Variants in DPH6 observed in about 807,000 individuals in gnomAD.
DPH6 encodes diphthine--ammonia ligase.
A neutral mutation model predicts 38.2 loss-of-function variants in DPH6; 33 were observed. That is an observed-to-expected ratio of 0.86 (90% confidence interval 0.65 to 1.15). The LOEUF (loss-of-function observed/expected upper bound fraction) is 1.15. Among genes scored for constraint, DPH6 ranks in the 50% most tolerant of loss-of-function variants. The pLI, the probability that DPH6 is intolerant of heterozygous loss-of-function variation, is 0.00. For missense variants in DPH6, 325 were observed against 320.0 expected (o/e 1.02, Z -0.12); for synonymous variants, 108 against 103.0 (o/e 1.05, Z -0.30).
At chr15:35,202,847 G>A in the DPH6 span, among the ~76,000 whole-genome samples, 1 of 151,586 alleles carries the variant, frequency 6.6e-6, no homozygotes, top group Admixed American at 6.6e-5. Flanking sequence ...AACATGAGAG[G>A]AGACACAACC....
chr15:35,323,120 C>CTCAAA (rs1396072185), intron 3 of DPH6, among the ~76,000 whole-genome samples: 1 of 152,170 alleles, frequency 6.6e-6, no homozygotes, highest in South Asian at 2.1e-4. Context: ...TTTAATCCTT[C>CTCAAA]TCAAATCTTA....
chr15:35,313,693 T>C (rs2052163417), intron 3 of DPH6, among the ~76,000 whole-genome samples: 1 of 152,312 alleles, frequency 6.6e-6, no homozygotes, highest in South Asian at 2.1e-4. Flanking sequence ...AATTATTGAA[T>C]TCATTTATCA....
chr15:35,208,396 C>G, the DPH6 span, among the ~76,000 whole-genome samples: 1 of 152,166 alleles, frequency 6.6e-6, no homozygotes, highest in Admixed American at 6.5e-5. Context: ...AAGCCTCAGA[C>G]ACAATCAGAT....
At position 35,296,000 on chromosome 15, in the gene DPH6, C is replaced by T. The variant is rs779977547; in HGVS notation, n.201-75418G>A. On this transcript the variant is annotated intron_variant and non_coding_transcript_variant, in intron 3 of 3. Transcript: ENST00000560386. Reference sequence around the variant, plus strand: ...CTCCAGGCAGGCTGGAGTGCAGTGGCGCGATCTCTGTTCACTGCAAACTCT... The same window carrying T: ...CTCCAGGCAGGCTGGAGTGCAGTGGTGCGATCTCTGTTCACTGCAAACTCT... Among the ~76,000 whole-genome samples the T allele has an allele frequency of 4.2e-4, 63 of 151,798 alleles. 1 individual carries two copies. The highest frequency in any genetic ancestry group is 6.8e-3 in the Middle Eastern group (2 of 294).
At chr15:35,522,464 T>C (rs1296187983) in intron 3 of DPH6, among the ~76,000 whole-genome samples, 1 of 152,108 alleles carries the variant, frequency 6.6e-6, no homozygotes, top group Non-Finnish European at 1.5e-5. Flanking sequence ...GGCTTTCTTG[T>C]TTAGAAAACA....
intron 5 of DPH6, among the ~76,000 whole-genome samples, chr15:35,416,664 T>C (rs2053439847): frequency 6.6e-6 from 1 of 152,124 alleles, no homozygotes; most frequent in Admixed American, 6.6e-5. Flanking sequence ...GATGCCTTGC[T>C]GGTTACTTTA....
At chr15:35,378,633 A>G (rs1033805199) in intron 7 of DPH6, among the ~76,000 whole-genome samples, 1 of 152,208 alleles carries the variant, frequency 6.6e-6, no homozygotes, top group Non-Finnish European at 1.5e-5. Flanking sequence ...ACATCATGGA[A>G]TACTATGCAG....
chr15:35,159,682 C>T, the DPH6 span, among the ~76,000 whole-genome samples: 3 of 152,016 alleles, frequency 2.0e-5, no homozygotes, highest in South Asian at 2.1e-4. Flanking sequence ...AACTACCATT[C>T]GACTCAGCAA....
At chr15:35,353,266 A>G (rs1367793324) in intron 3 of DPH6, among the ~76,000 whole-genome samples, 1 of 152,166 alleles carries the variant, frequency 6.6e-6, no homozygotes, top group Non-Finnish European at 1.5e-5. Flanking sequence ...TTTGCTGTGC[A>G]GAAGCTCTTT....
chr15:35,489,560 G>A (rs2054449279), intron 3 of DPH6: 1 of 982,688 alleles, frequency 1.0e-6, no homozygotes, highest in Non-Finnish European at 1.2e-6. Flanking sequence ...TCTTTCTCAT[G>A]TTTAAATTTT....
In DPH6 at chr15:35,243,201, C is replaced by A. The variant is rs1595443465; in HGVS notation, n.201-22619G>T. Among the ~76,000 whole-genome samples, 12 of 141,920 alleles carry A rather than the reference C, an allele frequency of 8.5e-5. 2 individuals carry two copies. The highest frequency in any genetic ancestry group is 2.3e-4 in the Admixed American group (3 of 12,878). The allele number at this position is 141,920 out of a possible 152,430, so 93.1% of individuals were successfully genotyped here. ...TGACAAATGTTTCTTCTAACATCCC[C>A]ACAATATCACCCCTTACCACAAGAT... On this transcript the variant is annotated intron_variant and non_coding_transcript_variant, in intron 3 of 3. Coordinates refer to the DPH6 transcript ENST00000560386.
At chr15:35,429,234 T>C (rs1207841789) in intron 5 of DPH6, among the ~76,000 whole-genome samples, 2 of 152,200 alleles carry the variant, frequency 1.3e-5, no homozygotes, top group Admixed American at 1.3e-4. Flanking sequence ...TTAAGCATAC[T>C]GTCATAAAAC....
At chr15:35,543,276 A>T (rs2055292755) in intron 1 of DPH6, among the ~76,000 whole-genome samples, 2 of 16,796 alleles carry the variant, frequency 1.2e-4, no homozygotes, top group Non-Finnish European at 2.4e-4. Context: ...ATATATATAT[A>T]TATATATATA....
At chr15:35,507,905 A>G (rs2054716729) in intron 3 of DPH6, among the ~76,000 whole-genome samples, 1 of 152,056 alleles carries the variant, frequency 6.6e-6, no homozygotes, top group South Asian at 2.1e-4. Flanking sequence ...ATATATACAT[A>G]TACATGTATA....
At chr15:35,492,573 G>A (rs1383606692) in intron 3 of DPH6, among the ~76,000 whole-genome samples, 2 of 152,016 alleles carry the variant, frequency 1.3e-5, no homozygotes, top group Non-Finnish European at 2.9e-5. Context: ...ATTTTCACTG[G>A]CCACCACGGA....
intron 3 of DPH6, among the ~76,000 whole-genome samples, chr15:35,485,204 A>G (rs1317132346): frequency 1.3e-5 from 2 of 152,206 alleles, no homozygotes; most frequent in Non-Finnish European, 2.9e-5. Context: ...GCAGAGCCAA[A>G]AAGTTCCATG....
intron 3 of DPH6, among the ~76,000 whole-genome samples, chr15:35,523,674 TTA>T (rs1288134073): frequency 6.6e-6 from 1 of 152,090 alleles, no homozygotes; most frequent in Non-Finnish European, 1.5e-5. Context: ...CAAGGAACAA[TTA>T]TAAGCATACT....
chr15:35,250,166 A>G (rs1273020016), intron 3 of DPH6, among the ~76,000 whole-genome samples: 1 of 152,058 alleles, frequency 6.6e-6, no homozygotes, highest in Non-Finnish European at 1.5e-5. Context: ...TGACACAGCG[A>G]GATTCTGTCT....
At chr15:35,207,064 T>TTA in the DPH6 span, among the ~76,000 whole-genome samples, 4 of 130,538 alleles carry the variant, frequency 3.1e-5, no homozygotes, top group Admixed American at 7.8e-5. Context: ...TTTTTTTTTT[T>TTA]AAGATAGAAT....
Sources: gnomAD v4.1 joint callset for allele counts (sites outside exome capture counted in the v4.1 genomes callset) on GRCh38, gnomAD v4.1.1 for gene constraint, MANE v1.5 for transcripts, NCBI Gene and HGNC (gene_info 2026-07-23, HGNC 2026-07-21) for gene names.